The following POLN variants were observed in gnomAD, a reference collection of about 807,000 sequenced individuals.
POLN encodes the protein DNA polymerase nu.
POLN carries 108 observed loss-of-function variants against 113.5 expected under a neutral mutation model. The ratio of observed to expected loss-of-function variants is 0.95; its 90% CI spans 0.81 to 1.12. The LOEUF is 1.12. Ranked by LOEUF, POLN falls within the 50% of genes most tolerant of loss-of-function variation. POLN has a pLI of 0.00. For missense variants in POLN, 1,097 were observed against 1,077.1 expected (o/e 1.02, Z -0.26); for synonymous variants, 386 against 391.5 (o/e 0.99, Z 0.17).
rs1246834287 is a variant in POLN at position 2,157,890 on chromosome 4, A to C, written c.1633T>G (p.Phe545Val). The change falls in exon 15 of 26, where the codon TTT (phenylalanine) becomes GTT (valine). Residue 545 changes from phenylalanine to valine, a missense_variant. By Grantham distance (50) the Phe-to-Val change is conservative. Coordinates refer to ENST00000511885, the MANE Select transcript of POLN (RefSeq NM_181808.4). ...ATGCAAGCTAGTAATCCATCTACAA[A>C]GGTTGACTTGATCTTGTGAACCTAA... ...YRQVHKIKST[F>V]VDGLLACMKK... is the part of the protein sequence containing the mutation. The C allele has an allele frequency of 1.9e-6, 3 of 1,608,096 alleles. No individual in the cohort carries two copies. The highest frequency in any genetic ancestry group is 2.6e-6 in the Non-Finnish European group (3 of 1,175,492).
chr4:2,115,229 T>TATATA (rs1553895279), intron 19 of POLN, among the ~76,000 whole-genome samples: 30 of 30,850 alleles, frequency 9.7e-4, no homozygotes, highest in African/African-American at 1.9e-3. Flanking sequence ...TATATATATA[T>TATATA]TTTTTTTTTT....
chr4:2,087,385 C>A (rs753127041), intron 20 of POLN, among the ~76,000 whole-genome samples: 6 of 152,194 alleles, frequency 3.9e-5, no homozygotes, highest in African/African-American at 7.2e-5. Context: ...TGGAAAATTC[C>A]ATTGGCTCTC....
chr4:2,158,531 G>A (rs938346165), intron 14 of POLN, among the ~76,000 whole-genome samples: 1 of 152,218 alleles, frequency 6.6e-6, no homozygotes, highest in African/African-American at 2.4e-5. Flanking sequence ...ATCGTTGCAG[G>A]GAGAAAGGGC....
intron 2 of POLN, among the ~76,000 whole-genome samples, chr4:2,238,048 T>C (rs944885793): frequency 6.6e-6 from 1 of 152,186 alleles, no homozygotes; most frequent in Non-Finnish European, 1.5e-5. Flanking sequence ...ACCCTAGTCC[T>C]GGAGAAAAAT....
rs71644319 is a variant in POLN at position 2,157,722 on chromosome 4, CAAAAAAAAAAAAAAAA to C, written c.1665+120_1665+135del. 2.4e-4 allele frequency: 32 copies of C among 134,712 alleles called. 1 individual carries two copies. In the East Asian group the frequency reaches 7.1e-3, roughly 30 times the overall value. 8.3% of individuals were successfully genotyped at this position (134,712 alleles called of 1,614,324 possible). On this transcript the variant is annotated intron_variant, in intron 15 of 25. Transcript: ENST00000511885. ...CGGGCGACAGTGCAAGACTCTGTCTCAAAAAAAAAAAAAAAAAAAAAAAAGAATATTTAGACGATTT... is the reference window on the plus strand; with the variant it reads ...CGGGCGACAGTGCAAGACTCTGTCTCAAAAAAAAGAATATTTAGACGATTT...
chr4:2,099,566 A>T (rs1418534509), intron 19 of POLN, among the ~76,000 whole-genome samples: 1 of 152,250 alleles, frequency 6.6e-6, no homozygotes, highest in East Asian at 1.9e-4. Flanking sequence ...GTCGCCATCA[A>T]AAGGAGCCTA....
intron 20 of POLN, among the ~76,000 whole-genome samples, chr4:2,091,717 T>C (rs566166955): frequency 2.6e-5 from 4 of 152,026 alleles, no homozygotes; most frequent in Non-Finnish European, 5.9e-5. Context: ...ACAATTTGAC[T>C]CTTCCCACAG....
At chr4:2,165,123 A>G (rs1443975951) in intron 13 of POLN, among the ~76,000 whole-genome samples, 1 of 152,212 alleles carries the variant, frequency 6.6e-6, no homozygotes, top group East Asian at 1.9e-4. Flanking sequence ...AAAAACCTAC[A>G]CACAGATATT....
At chr4:2,108,070 T>C (rs1249385044) in intron 19 of POLN, among the ~76,000 whole-genome samples, 2 of 152,216 alleles carry the variant, frequency 1.3e-5, no homozygotes, top group African/African-American at 4.8e-5. Flanking sequence ...TCCTAAACAC[T>C]CAGTCTCTCT....
intron 16 of POLN, among the ~76,000 whole-genome samples, chr4:2,138,763 G>A (rs1731921676): frequency 6.6e-6 from 1 of 152,088 alleles, no homozygotes; most frequent in Non-Finnish European, 1.5e-5. Flanking sequence ...TTAGCCAGGT[G>A]TGGTGGTGCA....
chr4:2,089,563 GA>G, intron 20 of POLN: 6 of 1,123,762 alleles, frequency 5.3e-6, no homozygotes, highest in Non-Finnish European at 7.6e-6. Flanking sequence ...TTCAACTAAA[GA>G]AACACTTCCA....
At chr4:2,102,251 C>T (rs1205761266) in intron 19 of POLN, among the ~76,000 whole-genome samples, 1 of 152,180 alleles carries the variant, frequency 6.6e-6, no homozygotes, top group African/African-American at 2.4e-5. Flanking sequence ...CTGCCTTCAT[C>T]CCCAACAGAG....
intron 5 of POLN, among the ~76,000 whole-genome samples, 179 bp from the exon 6 acceptor site, chr4:2,198,896 G>A (rs553534135): frequency 1.3e-5 from 2 of 152,126 alleles, no homozygotes; most frequent in Admixed American, 1.3e-4. Context: ...CTCGAAATCT[G>A]GTCTCTACCC....
chr4:2,102,605 A>G (rs1410495861), intron 19 of POLN, among the ~76,000 whole-genome samples: 2 of 152,212 alleles, frequency 1.3e-5, no homozygotes, highest in Admixed American at 1.3e-4. Context: ...CAGAGGCCCA[A>G]GAACTGGTCT....
intron 2 of POLN, among the ~76,000 whole-genome samples, chr4:2,232,598 A>C (rs1264266983): frequency 6.6e-6 from 1 of 152,208 alleles, no homozygotes; most frequent in Non-Finnish European, 1.5e-5. Flanking sequence ...TGAAATGAAG[A>C]CCAATAAAAG....
At position 2,231,787 on chromosome 4, in the gene POLN, A is replaced by G. The variant is rs910860486; in HGVS notation, c.-12-2544T>C. 7 of 562,096 alleles carry G rather than the reference A, an allele frequency of 1.2e-5. No homozygotes were observed. The African/African-American group carries it at 1.4e-4, about 11-fold the overall frequency. 34.8% of individuals were successfully genotyped at this position (562,096 alleles called of 1,614,324 possible). A position where few individuals can be genotyped will look rare whatever the true frequency, so the allele number is the denominator to read the frequency against. On this transcript the variant is annotated intron_variant, in intron 2 of 25. Coordinates refer to ENST00000511885, the MANE Select transcript of POLN (RefSeq NM_181808.4). ...CTGAATGTACTACATGAGAAAAAAG[A>G]CAAATTAATATAATAGTTCAATTCA...
intron 16 of POLN, among the ~76,000 whole-genome samples, chr4:2,142,463 A>C (rs1732026325): frequency 6.6e-6 from 1 of 152,236 alleles, no homozygotes; most frequent in Admixed American, 6.5e-5. Flanking sequence ...AGGTTGTGTA[A>C]ACACGTTCCC....
rs201171530 is a variant in POLN, at chr4:2,157,835, T to A, written c.1665+23A>T. 33 of 1,563,464 alleles carry A rather than the reference T, an allele frequency of 2.1e-5. No homozygotes were observed. In the African/African-American group the frequency reaches 4.1e-4, roughly 19 times the overall value. ...ACAAAAACCACAGTCCTAATCACAG[T>A]ATCTTTTTGTAAAGCTTGTTACCTT... On this transcript the variant is annotated intron_variant, in intron 15 of 25. Transcript: ENST00000511885.
intron 19 of POLN, among the ~76,000 whole-genome samples, chr4:2,114,011 CAT>C (rs1731261014): frequency 6.6e-6 from 1 of 151,356 alleles, no homozygotes; most frequent in Admixed American, 6.6e-5. Flanking sequence ...GTGATCCTCC[CAT>C]GTCAGCCTCC....
Sources: allele counts gnomAD v4.1 joint callset (sites outside exome capture counted in the v4.1 genomes callset), GRCh38; gene constraint gnomAD v4.1.1; transcripts MANE v1.5; gene names NCBI Gene and HGNC (gene_info 2026-07-23, HGNC 2026-07-21).